KIF13A: variants seen among roughly 807,000 people sequenced by gnomAD.
KIF13A encodes the protein kinesin-like protein KIF13A.
KIF13A carries 79 observed loss-of-function variants against 212.2 expected under a neutral mutation model. The observed-to-expected ratio is 0.37, with a 90% CI of 0.31 to 0.45. The LOEUF is 0.45. KIF13A is among the 20% of genes least tolerant of loss of function. KIF13A has a pLI of 1.00. For synonymous variants in KIF13A, 789 were observed against 808.6 expected (o/e 0.98, Z 0.41); for missense variants, 1,901 against 2,209.0 (o/e 0.86, Z 2.79).
intron 2 of KIF13A, among the ~76,000 whole-genome samples, chr6:17,952,906 G>T (rs561527701): frequency 5.4e-5 from 8 of 148,576 alleles, no homozygotes; most frequent in Non-Finnish European, 1.2e-4. Context: ...CTCCAGCCTG[G>T]GCGACAGAGC....
chr6:17,959,205 G>A (rs906708314), intron 2 of KIF13A, among the ~76,000 whole-genome samples: 4 of 151,988 alleles, frequency 2.6e-5, no homozygotes, highest in African/African-American at 9.7e-5. Context: ...TGTTTACTCC[G>A]TGCTAGGTAT....
In KIF13A at chr6:17,951,752, T is replaced by C. The variant is rs1777864368; in HGVS notation, c.146+35302A>G. On this transcript the variant is annotated intron_variant, in intron 2 of 38. Transcript: ENST00000259711. This position sits in a 1 kb window ranked among gnomAD's most constrained non-coding sequence, Gnocchi z 4.9. ...TATGACTGCTTATTTCACTTAATGT[T>C]ATGTTTACAAAAAGTTCATCAATGT... Among the ~76,000 whole-genome samples the C allele has an allele frequency of 6.6e-6, 1 of 152,238 alleles. No individual in the cohort carries two copies. The highest frequency in any genetic ancestry group is 1.5e-5 in the Non-Finnish European group (1 of 68,050).
rs962378077 is a variant in KIF13A at position 17,893,210 on chromosome 6, T to G, written c.159+4958A>C. On this transcript the variant is annotated intron_variant, in intron 3 of 38. Coordinates refer to ENST00000259711, the MANE Select transcript of KIF13A (RefSeq NM_022113.6). ...GTAAATACAGTTCAGTCACCCAGGA[T>G]TCCTCTTCATGTACCTTTAGTCCAA... Among the ~76,000 whole-genome samples the G allele has an allele frequency of 1.0e-3, 153 of 152,182 alleles. 1 individual carries two copies. The highest frequency in any genetic ancestry group is 9.9e-3 in the Admixed American group (152 of 15,282).
At position 17,839,187 on chromosome 6, in the gene KIF13A, C is replaced by G. The variant is rs576956175; in HGVS notation, c.831-1604G>C. On this transcript the variant is annotated intron_variant, in intron 9 of 38. Transcript: ENST00000259711. The surrounding 1 kb of genome is among the most constrained non-coding windows in gnomAD (Gnocchi z 4.3). ...CAGGTGACGGATACCTTAAAAGCCC[C>G]GACTTGACCACTGCACAATCTGTGC... 6.6e-6 allele frequency among the ~76,000 whole-genome samples: 1 copy of G among 152,160 alleles called. No homozygotes were observed. Among genetic ancestry groups the G allele is most frequent in the African/African-American group, 2.4e-5 (1 of 41,432 alleles).
intron 3 of KIF13A, 75 bp from the exon 4 acceptor site, chr6:17,873,512 C>T: frequency 9.4e-7 from 1 of 1,069,518 alleles, no homozygotes; most frequent in East Asian, 2.6e-5. Flanking sequence ...AAATAAATCA[C>T]AGGTGAAGAT....
intron 9 of KIF13A, among the ~76,000 whole-genome samples, chr6:17,842,172 C>A (rs1279125215): frequency 6.6e-6 from 1 of 152,002 alleles, no homozygotes; most frequent in Non-Finnish European, 1.5e-5. Flanking sequence ...CCTCAGCCCC[C>A]TCAAGTAGCT....
chr6:17,949,973 T>A (rs544200478), intron 2 of KIF13A, among the ~76,000 whole-genome samples: 2 of 152,230 alleles, frequency 1.3e-5, no homozygotes, highest in East Asian at 3.9e-4. Context: ...CAAACTTACT[T>A]TAGCTAGCTC....
Position 17,856,230 on chromosome 6 carries a change from T to C in KIF13A, c.221-108A>G, listed in dbSNP as rs1234218161. ...ATTCAAAAAAATGTTAAAAGTGTAGTACCGAGTGCCCACTAAGTACAGGGC... is the reference window on the plus strand; with the variant it reads ...ATTCAAAAAAATGTTAAAAGTGTAGCACCGAGTGCCCACTAAGTACAGGGC... On this transcript the variant is annotated intron_variant, in intron 4 of 38. Transcript: ENST00000259711. The surrounding 1 kb of genome is among the most constrained non-coding windows in gnomAD (Gnocchi z 4.5). 2 of 737,876 alleles carry C rather than the reference T, an allele frequency of 2.7e-6. No individual in the cohort carries two copies. The highest frequency in any genetic ancestry group is 4.5e-6 in the Non-Finnish European group (2 of 440,080). 45.7% of individuals were successfully genotyped at this position (737,876 alleles called of 1,614,324 possible).
chr6:17,855,607 T>C lies in KIF13A; in HGVS notation c.324A>G (p.Lys108=). ...CAGCATGGCCCATCATGGAAAAGGA[T>C]TTTCCCGAACCTGGAGAACAGCAAG... is the stretch of plus-strand genomic sequence containing the variant. ...IFAYGQTGSG[K]SFSMMGHAEQ... is the part of the protein sequence containing the mutation. The change falls in exon 6 of 39, where the codon AAA becomes AAG. Residue 108 remains lysine, a synonymous_variant. Transcript: ENST00000259711. The surrounding 1 kb of genome is among the most constrained non-coding windows in gnomAD (Gnocchi z 4.1). 1 of 1,600,564 alleles carries C rather than the reference T, an allele frequency of 6.2e-7. No homozygotes were observed. Among genetic ancestry groups the C allele is most frequent in the Middle Eastern group, 1.7e-4 (1 of 5,956 alleles).
Position 17,772,983 on chromosome 6 carries a change from T to C in KIF13A, c.4324+495A>G, listed in dbSNP as rs1759629854. ...ATAAGGTATAAGGTAACAGAACCGA[T>C]ATATATGGCCAAAGAATACTGTTCC... On this transcript the variant is annotated intron_variant, in intron 36 of 38. Coordinates refer to ENST00000259711, the MANE Select transcript of KIF13A (RefSeq NM_022113.6). This position sits in a 1 kb window ranked among gnomAD's most constrained non-coding sequence, Gnocchi z 4.8. 6.6e-6 allele frequency among the ~76,000 whole-genome samples: 1 copy of C among 152,224 alleles called. No homozygotes were observed. The highest frequency in any genetic ancestry group is 2.1e-4 in the South Asian group (1 of 4,836).
In KIF13A at chr6:17,804,643, G is replaced by A. The variant is rs1001012255; in HGVS notation, c.2305-133C>T. ...TTTAAACAGCAAGTAAAATTATAAT[G>A]TCACATAAATAAAAACTAAATTAGC... On this transcript the variant is annotated intron_variant, in intron 19 of 38. Coordinates refer to ENST00000259711, the MANE Select transcript of KIF13A (RefSeq NM_022113.6). 7.3e-6 allele frequency: 7 copies of A among 959,480 alleles called. No individual in the cohort carries two copies. In the African/African-American group the frequency reaches 1.0e-4, roughly 14 times the overall value. 59.4% of individuals were successfully genotyped at this position (959,480 alleles called of 1,614,324 possible).
At chr6:17,780,682 A>T in intron 31 of KIF13A, 48 bp downstream of exon 31, 2 of 1,566,014 alleles carry the variant, frequency 1.3e-6, no homozygotes, top group African/African-American at 1.4e-5. Flanking sequence ...AGAGGGAAAA[A>T]TCTTTTGAGC....
intron 11 of KIF13A, among the ~76,000 whole-genome samples, chr6:17,835,611 T>A (rs1385303226): frequency 6.6e-6 from 1 of 152,026 alleles, no homozygotes; most frequent in African/African-American, 2.4e-5. Context: ...AGGCTAGGGG[T>A]TGGGGATAAA....
In KIF13A at chr6:17,928,992, A is replaced by G. The variant is rs372233527; in HGVS notation, c.147-30812T>C. Among the ~76,000 whole-genome samples, 6 of 146,768 alleles carry G rather than the reference A, an allele frequency of 4.1e-5. No individual in the cohort carries two copies. In the South Asian group the frequency reaches 1.3e-3, roughly 32 times the overall value. ...AAAGCTAAACACAAGATTACAAACA[A>G]TTTGATCATGTGAGCATTCCAGAAT... On this transcript the variant is annotated intron_variant, in intron 2 of 38. Transcript: ENST00000259711.
intron 2 of KIF13A, among the ~76,000 whole-genome samples, chr6:17,923,851 A>C (rs964929946): frequency 2.6e-5 from 4 of 152,186 alleles, no homozygotes; most frequent in Non-Finnish European, 5.9e-5. Context: ...GTGAGGGCAC[A>C]ACTCTTAAAA....
intron 2 of KIF13A, among the ~76,000 whole-genome samples, chr6:17,906,105 TG>T (rs1368582387): frequency 2.0e-5 from 3 of 152,170 alleles, no homozygotes; most frequent in Admixed American, 2.0e-4. Flanking sequence ...AGATAAAGCC[TG>T]GTTTGAAAAT....
In KIF13A at chr6:17,951,408, G is replaced by T; in HGVS notation, c.146+35646C>A. On this transcript the variant is annotated intron_variant, in intron 2 of 38. Transcript: ENST00000259711. The surrounding 1 kb of genome is among the most constrained non-coding windows in gnomAD (Gnocchi z 4.9). The stretch of plus-strand genomic sequence containing the variant: ...GGCCTCCCAAAGTGCTGGAATTAGA[G>T]ATGTGAGCCACTGTGACCAGCCTCA... The T allele has an allele frequency of 1.7e-6, 1 of 592,874 alleles. No homozygotes were observed. The highest frequency in any genetic ancestry group is 3.0e-6 in the Non-Finnish European group (1 of 330,234). The allele number at this position is 592,874 out of a possible 1,614,324, so 36.7% of individuals were successfully genotyped here.
At chr6:17,859,644 T>G (rs375636631) in intron 4 of KIF13A, among the ~76,000 whole-genome samples, 3 of 130,502 alleles carry the variant, frequency 2.3e-5, no homozygotes, top group Non-Finnish European at 3.5e-5. Context: ...ATATATTTTT[T>G]TTTTTTTTTT....
At chr6:17,770,166 G>C (rs1759362446) in intron 38 of KIF13A, among the ~76,000 whole-genome samples, 1 of 151,378 alleles carries the variant, frequency 6.6e-6, no homozygotes, top group Non-Finnish European at 1.5e-5. Context: ...ATTGGGAATG[G>C]GTCTGACATG....
Sources: gnomAD v4.1 joint callset for allele counts (sites outside exome capture counted in the v4.1 genomes callset) on GRCh38, gnomAD v4.1.1 for gene constraint, Gnocchi (gnomAD v3.1) non-coding constraint, MANE v1.5 for transcripts, NCBI Gene and HGNC (gene_info 2026-07-23, HGNC 2026-07-21) for gene names.